AGXT2: variants seen among roughly 807,000 people sequenced by gnomAD.
AGXT2 encodes the protein alanine--glyoxylate aminotransferase 2, also known as alanine--glyoxylate aminotransferase 2, mitochondrial.
Under a neutral mutation model 62.5 loss-of-function variants are expected in AGXT2, and 61 were observed. That is an observed-to-expected ratio of 0.98 (90% CI 0.79 to 1.21). The LOEUF (loss-of-function observed/expected upper bound fraction) is 1.21, where lower values mean the gene tolerates loss of function less well. Among genes scored for constraint, AGXT2 ranks in the 50% most tolerant of loss-of-function variants. AGXT2 has a pLI of 0.00. For missense variants in AGXT2, 666 were observed against 641.5 expected, an observed-to-expected ratio of 1.04 and a Z score of -0.41; for synonymous variants, 243 against 218.7, an observed-to-expected ratio of 1.11 and a Z score of -0.98.
In AGXT2 at chr5:35,034,798, A is replaced by C. The variant is rs143976776; in HGVS notation, c.581+424T>G. 2.3e-3 allele frequency among the ~76,000 whole-genome samples: 352 copies of C among 152,302 alleles called. 3 individuals carry two copies. The highest frequency in any genetic ancestry group is 8.2e-3 in the African/African-American group (341 of 41,554). On this transcript the variant is annotated intron_variant, in intron 5 of 13. Transcript: ENST00000231420. ...AAATGGGTGCAGCTGGCACTATGAA[A>C]TCAGTGGACAGCTCCTTATCATAAG...
chr5:35,026,722 G>A (rs188935958), intron 7 of AGXT2, among the ~76,000 whole-genome samples: 3 of 152,086 alleles, frequency 2.0e-5, no homozygotes, highest in Non-Finnish European at 1.5e-5. Context: ...GTTCAAGGAG[G>A]GAGATTAAGA....
chr5:35,039,952 T>G (rs1262646291), intron 2 of AGXT2, among the ~76,000 whole-genome samples: 3 of 152,204 alleles, frequency 2.0e-5, no homozygotes, highest in Non-Finnish European at 4.4e-5. Flanking sequence ...GTATTTCTCT[T>G]CTTTGTGGAT....
At chr5:35,025,978 T>A in intron 8 of AGXT2, 123 bp from the exon 9 acceptor site, 1 of 825,668 alleles carries the variant, frequency 1.2e-6, no homozygotes, top group Non-Finnish European at 2.0e-6. Flanking sequence ...TTAACAACAG[T>A]CTGTAGAACA....
rs143976776 is a variant in AGXT2, at chr5:35,034,798, A to T, written c.581+424T>A. Among the ~76,000 whole-genome samples the T allele has an allele frequency of 5.6e-4, 85 of 152,302 alleles. 1 individual carries two copies. Among genetic ancestry groups the T allele is most frequent in the Admixed American group, 2.4e-3 (37 of 15,296 alleles). The stretch of plus-strand genomic sequence containing the variant: ...AAATGGGTGCAGCTGGCACTATGAA[A>T]TCAGTGGACAGCTCCTTATCATAAG... On this transcript the variant is annotated intron_variant, in intron 5 of 13. Transcript: ENST00000231420.
At chr5:35,006,440 C>A (rs1332439954) in intron 12 of AGXT2, among the ~76,000 whole-genome samples, 2 of 152,120 alleles carry the variant, frequency 1.3e-5, no homozygotes, top group Admixed American at 6.6e-5. Flanking sequence ...GGCTCAGGAA[C>A]CTTACAATCA....
intron 3 of AGXT2, among the ~76,000 whole-genome samples, chr5:35,037,539 C>T (rs1428822406): frequency 6.6e-6 from 1 of 150,950 alleles, no homozygotes; most frequent in African/African-American, 2.4e-5. Context: ...TCCCTTCCTC[C>T]CCTCCTTCTT....
At chr5:35,036,320 A>C (rs1042355454) in intron 4 of AGXT2, among the ~76,000 whole-genome samples, 2 of 152,114 alleles carry the variant, frequency 1.3e-5, no homozygotes, top group East Asian at 1.9e-4. Context: ...AATAGATAAC[A>C]CTCGGGACTG....
chr5:35,032,616 G>C (rs1411419604), intron 7 of AGXT2, 116 bp downstream of exon 7: 2 of 1,011,578 alleles, frequency 2.0e-6, no homozygotes, highest in Non-Finnish European at 3.0e-6. Context: ...GCTTCCTCTG[G>C]CTTTTCCCTT....
At chr5:35,039,586 G>T (rs2112285004) in intron 2 of AGXT2, 78 bp from the exon 3 acceptor site, 1 of 1,479,952 alleles carries the variant, frequency 6.8e-7, no homozygotes, top group Non-Finnish European at 9.4e-7. Context: ...CAGAGCCCAG[G>T]CTCTCTAGTG....
In AGXT2 at chr5:35,040,197, C is replaced by T. The variant is rs533927095; in HGVS notation, c.177+378G>A. Among the ~76,000 whole-genome samples the T allele has an allele frequency of 3.3e-5, 5 of 152,104 alleles. No individual in the cohort carries two copies. In the South Asian group the frequency reaches 8.3e-4, roughly 25 times the overall value. The stretch of plus-strand genomic sequence containing the variant: ...ATAACTATAATTTTTGCTGGAGTAC[C>T]CAGGAAGGTCAGATGGCCACATGAG... On this transcript the variant is annotated intron_variant, in intron 2 of 13. Transcript: ENST00000231420.
At chr5:35,043,692 C>T (rs550516524) in intron 1 of AGXT2, among the ~76,000 whole-genome samples, 50 of 152,178 alleles carry the variant, frequency 3.3e-4, no homozygotes, top group African/African-American at 1.2e-3. Context: ...GCCACCATGC[C>T]CAGCTATTTT....
intron 1 of AGXT2, 137 bp from the exon 2 acceptor site, chr5:35,040,800 T>C (rs1767956092): frequency 2.7e-6 from 2 of 751,622 alleles, no homozygotes; most frequent in East Asian, 5.2e-5. Context: ...CAGCTTTTAG[T>C]TTGGATTTAA....
intron 1 of AGXT2, among the ~76,000 whole-genome samples, chr5:35,044,090 C>T (rs190955056): frequency 1.1e-4 from 17 of 152,238 alleles, no homozygotes; most frequent in Admixed American, 9.2e-4. Flanking sequence ...GGATTGCCAA[C>T]GAGTTAGGAA....
chr5:35,011,450 ACT>A (rs1475044209), intron 11 of AGXT2, among the ~76,000 whole-genome samples: 10 of 121,932 alleles, frequency 8.2e-5, no homozygotes, highest in Non-Finnish European at 1.7e-4. Flanking sequence ...ACAGAGCAAG[ACT>A]CTTTCTAAAA....
intron 9 of AGXT2, among the ~76,000 whole-genome samples, chr5:35,015,440 T>G (rs1184033623): frequency 6.6e-6 from 1 of 152,176 alleles, no homozygotes; most frequent in Non-Finnish European, 1.5e-5. Context: ...TCTTTCTGGC[T>G]CTCAGTCTCC....
chr5:35,001,884 A>G (rs938884102), intron 13 of AGXT2, among the ~76,000 whole-genome samples: 4 of 152,108 alleles, frequency 2.6e-5, no homozygotes, highest in Admixed American at 6.5e-5. Context: ...GTAATTTTCT[A>G]TGTATTTGCC....
chr5:35,013,312 T>C (rs751660629), intron 10 of AGXT2, among the ~76,000 whole-genome samples: 2 of 152,216 alleles, frequency 1.3e-5, no homozygotes, highest in African/African-American at 4.8e-5. Context: ...GGTGGGGCCC[T>C]ATCTAAGCCC....
chr5:35,034,311 C>T (rs1197025129), intron 5 of AGXT2, among the ~76,000 whole-genome samples: 1 of 152,080 alleles, frequency 6.6e-6, no homozygotes, highest in African/African-American at 2.4e-5. Context: ...ATACTTACCT[C>T]GACACACATA....
At chr5:35,022,857 GATA>G (rs1767165407) in intron 9 of AGXT2, among the ~76,000 whole-genome samples, 1 of 151,314 alleles carries the variant, frequency 6.6e-6, no homozygotes, top group South Asian at 2.1e-4. Flanking sequence ...ACAGAACTCT[GATA>G]ATATTGTTTT....
Sources: gnomAD v4.1 joint callset for allele counts (sites outside exome capture counted in the v4.1 genomes callset) on GRCh38, gnomAD v4.1.1 for gene constraint, MANE v1.5 for transcripts, NCBI Gene and HGNC (gene_info 2026-07-23, HGNC 2026-07-21) for gene names.